KCNMA1: variants seen among roughly 807,000 people sequenced by gnomAD.
The protein encoded by KCNMA1 is Calcium-activated potassium channel subunit alpha-1.
In KCNMA1, 29 loss-of-function variants were observed where a neutral mutation model predicts 140.0. The observed-to-expected ratio is 0.21, with a 90% CI of 0.15 to 0.28. KCNMA1 has a LOEUF of 0.28. Ranked by LOEUF, KCNMA1 falls within the 10% of genes least tolerant of loss-of-function variation. The pLI is 1.00. For synonymous variants in KCNMA1, 612 were observed against 611.9 expected (o/e 1.00, Z 0.00); for missense variants, 880 against 1,602.2 (o/e 0.55, Z 7.70).
At chr10:76,980,354 T>G (rs915967538) in intron 19 of KCNMA1, 1 of 152,264 alleles carries the variant, frequency 6.6e-6, no homozygotes, top group Non-Finnish European at 1.5e-5. Flanking sequence ...TTTAGAGCTC[T>G]GATCTCAGAC....
chr10:77,300,034 C>T (rs2076184404), intron 2 of KCNMA1, among the ~76,000 whole-genome samples: 1 of 152,222 alleles, frequency 6.6e-6, no homozygotes, highest in Admixed American at 6.5e-5. Flanking sequence ...CATGCTGAGC[C>T]TCTGTGGCAT....
rs1245058176 is a variant in KCNMA1 at position 77,392,834 on chromosome 10, G to A, written c.540+11028C>T. ...AAATACTGGTGCAGATGTGCCCTCC[G>A]AAACCAGCCTGTCCCTGCCCTGTCA... On this transcript the variant is annotated intron_variant, in intron 2 of 27. Transcript: ENST00000286628. Among the ~76,000 whole-genome samples, 4 of 152,148 alleles carry A rather than the reference G, an allele frequency of 2.6e-5. No individual in the cohort carries two copies. In the East Asian group the frequency reaches 5.8e-4, roughly 22 times the overall value.
At chr10:77,523,786 C>T (rs1257688120) in intron 1 of KCNMA1, among the ~76,000 whole-genome samples, 2 of 151,966 alleles carry the variant, frequency 1.3e-5, no homozygotes, top group Non-Finnish European at 2.9e-5. Flanking sequence ...AAGAGAGTTA[C>T]CAGAGGCTGG....
intron 1 of KCNMA1, among the ~76,000 whole-genome samples, chr10:77,479,590 C>T (rs971688679): frequency 1.3e-5 from 2 of 152,102 alleles, no homozygotes; most frequent in Non-Finnish European, 2.9e-5. Context: ...TCATTAAATC[C>T]TCCCCATGTC....
At chr10:77,451,778 G>A (rs1289034259) in intron 1 of KCNMA1, among the ~76,000 whole-genome samples, 1 of 152,126 alleles carries the variant, frequency 6.6e-6, no homozygotes, top group East Asian at 1.9e-4. Context: ...TATTTCTAAG[G>A]ACCTGGATGC....
chr10:77,030,103 A>G (rs1416138553), intron 15 of KCNMA1, among the ~76,000 whole-genome samples: 2 of 152,204 alleles, frequency 1.3e-5, no homozygotes, highest in Non-Finnish European at 2.9e-5. Flanking sequence ...GTTGTGGTCC[A>G]CAGCACTGCC....
At chr10:77,060,137 C>A (rs1035897341) in intron 14 of KCNMA1, among the ~76,000 whole-genome samples, 8 of 152,106 alleles carry the variant, frequency 5.3e-5, no homozygotes, top group Non-Finnish European at 1.2e-4. Context: ...AGTGCTCCCC[C>A]AAATTGGTCT....
At chr10:77,132,618 G>A (rs1179627028) in intron 5 of KCNMA1, among the ~76,000 whole-genome samples, 7 of 150,614 alleles carry the variant, frequency 4.6e-5, no homozygotes, top group Non-Finnish European at 8.8e-5. Flanking sequence ...TCCGCCCCAC[G>A]GCCAGCAGAT....
downstream of KCNMA1, chr10:76,876,608 ATTG>A (rs2032428268): frequency 1.3e-5 from 2 of 152,300 alleles, no homozygotes; most frequent in Non-Finnish European, 2.9e-5. Flanking sequence ...TTATTTTTAA[ATTG>A]TTGTAACAAG....
chr10:76,987,961 C>T (rs1319636008), intron 19 of KCNMA1, among the ~76,000 whole-genome samples: 1 of 152,094 alleles, frequency 6.6e-6, no homozygotes, highest in East Asian at 1.9e-4. Context: ...GCAAGAGGAA[C>T]TAATTGAAAG....
chr10:77,637,033 A>G (rs1287848018), intron 1 of KCNMA1: 16 of 1,409,032 alleles, frequency 1.1e-5, no homozygotes, highest in Non-Finnish European at 1.5e-5. Context: ...GACAGGATTG[A>G]GCGTCCGCGT....
chr10:77,409,744 C>G (rs1362553643), intron 1 of KCNMA1, among the ~76,000 whole-genome samples: 5 of 152,226 alleles, frequency 3.3e-5, no homozygotes. Flanking sequence ...CTGTCTCCGT[C>G]TCTCATCCTT....
intron 1 of KCNMA1, among the ~76,000 whole-genome samples, chr10:77,593,876 G>C (rs2079982649): frequency 6.6e-6 from 1 of 152,200 alleles, no homozygotes; most frequent in Non-Finnish European, 1.5e-5. Context: ...TTCCCCTGGA[G>C]GGGAAAGCAT....
chr10:77,576,639 G>A (rs192041271), intron 1 of KCNMA1, among the ~76,000 whole-genome samples: 160 of 152,286 alleles, frequency 1.1e-3, no homozygotes, highest in South Asian at 2.7e-3. Context: ...GCACACAGCC[G>A]TGCAAGAAAG....
intron 2 of KCNMA1, among the ~76,000 whole-genome samples, chr10:77,254,833 T>C (rs1210514574): frequency 6.6e-6 from 1 of 152,152 alleles, no homozygotes; most frequent in Non-Finnish European, 1.5e-5. Flanking sequence ...CCAAGGGACA[T>C]GGTAAAATGA....
intron 13 of KCNMA1, among the ~76,000 whole-genome samples, chr10:77,073,575 G>A (rs2096283403): frequency 6.6e-6 from 1 of 152,156 alleles, no homozygotes; most frequent in Admixed American, 6.5e-5. Context: ...AAATCATTAA[G>A]TTGAGTCCTC....
intron 2 of KCNMA1, among the ~76,000 whole-genome samples, chr10:77,303,985 T>C (rs1461754657): frequency 6.6e-6 from 1 of 152,240 alleles, no homozygotes; most frequent in Non-Finnish European, 1.5e-5. Flanking sequence ...GAGGTAAGAC[T>C]GGCATTGTGG....
chr10:77,444,328 C>T (rs1603621286), intron 1 of KCNMA1, among the ~76,000 whole-genome samples: 1 of 152,080 alleles, frequency 6.6e-6, no homozygotes, highest in South Asian at 2.1e-4. Context: ...AGAGACTTAC[C>T]CAATGTTTTG....
At chr10:76,961,552 G>T (rs1444022668) in intron 20 of KCNMA1, among the ~76,000 whole-genome samples, 1 of 152,186 alleles carries the variant, frequency 6.6e-6, no homozygotes, top group Non-Finnish European at 1.5e-5. Context: ...TTTGAAAGAA[G>T]TTCTACTCTG....
Sources: gnomAD v4.1 joint callset for allele counts (sites outside exome capture counted in the v4.1 genomes callset) on GRCh38, gnomAD v4.1.1 for gene constraint, MANE v1.5 for transcripts, NCBI Gene and HGNC (gene_info 2026-07-23, HGNC 2026-07-21) for gene names.